Variants in ROCK2 observed in about 807,000 individuals in gnomAD.
ROCK2 encodes rho-associated protein kinase 2.
ROCK2 carries 61 observed loss-of-function variants against 195.1 expected under a neutral mutation model. The ratio of observed to expected loss-of-function variants is 0.31; its 90% CI spans 0.25 to 0.39. The LOEUF is 0.39. Among genes scored for constraint, ROCK2 ranks in the 10% least tolerant of loss-of-function variants. The pLI, the probability that ROCK2 is intolerant of heterozygous loss-of-function variation, is 1.00. For missense variants in ROCK2, 1,109 were observed against 1,637.4 expected, an observed-to-expected ratio of 0.68 and a Z score of 5.57; for synonymous variants, 504 against 545.5, an observed-to-expected ratio of 0.92 and a Z score of 1.06.
intron 3 of ROCK2, among the ~76,000 whole-genome samples, chr2:11,252,139 G>A (rs1665851270): frequency 6.6e-6 from 1 of 152,148 alleles, no homozygotes; most frequent in African/African-American, 2.4e-5. Flanking sequence ...GGCCAGGCAT[G>A]GTGGCTCACG....
At position 11,198,754 on chromosome 2, in the gene ROCK2, T is replaced by C; in HGVS notation, c.2931A>G (p.Thr977=). ...TIASLEETNR[T]LTSDVANLAN... is the part of the protein sequence containing the mutation. ...CAAGATTGGCAACATCACTAGTTAG[T>C]GTCCTATTAGTTTCCTCAAGCTAAG... is the stretch of plus-strand genomic sequence containing the variant. The change falls in exon 24 of 33, where the codon ACA becomes ACG. Residue 977 remains threonine (T), a synonymous_variant. Coordinates refer to ENST00000315872, the MANE Select transcript of ROCK2 (RefSeq NM_004850.5). 6.2e-7 allele frequency: 1 copy of C among 1,603,446 alleles called. No homozygotes were observed. Among genetic ancestry groups the C allele is most frequent in the African/African-American group, 1.3e-5 (1 of 74,564 alleles).
chr2:11,283,578 A>G (rs367895754), intron 3 of ROCK2, among the ~76,000 whole-genome samples: 1 of 25,990 alleles, frequency 3.8e-5, no homozygotes, highest in Admixed American at 6.3e-4. Flanking sequence ...AAAAAAAAAA[A>G]AAAAAAAGCA....
Position 11,219,036 on chromosome 2 carries a change from AG to A in ROCK2, c.1260-11del, listed in dbSNP as rs1664530813. ...AGAGTCACTTAATAATCTACATGGA[AG>A]GGGGGAGAAAATAAATTTTTTCATT... On this transcript the variant is annotated splice_polypyrimidine_tract_variant and intron_variant, in intron 9 of 32. Transcript: ENST00000315872. 4 of 1,401,876 alleles carry A rather than the reference AG, an allele frequency of 2.9e-6. No homozygotes were observed. Among genetic ancestry groups the A allele is most frequent in the South Asian group, 1.4e-5 (1 of 72,140 alleles). 86.8% of individuals were successfully genotyped at this position (1,401,876 alleles called of 1,614,324 possible).
At chr2:11,308,811 A>G in intron 1 of ROCK2, 1 of 1,611,932 alleles carries the variant, frequency 6.2e-7, no homozygotes. Context: ...ATGGAGATGG[A>G]TGAAATTAAA....
chr2:11,205,993 C>A (rs1046922023), intron 20 of ROCK2, among the ~76,000 whole-genome samples: 2 of 152,092 alleles, frequency 1.3e-5, no homozygotes, highest in Admixed American at 6.5e-5. Flanking sequence ...CCTGTATTCC[C>A]AGCTACTTGG....
At chr2:11,207,666 C>A in intron 20 of ROCK2, 60 bp downstream of exon 20, 1 of 1,320,744 alleles carries the variant, frequency 7.6e-7, no homozygotes, top group Non-Finnish European at 1.0e-6. Context: ...ACAGATACAC[C>A]AAAATTAACT....
chr2:11,322,078 G>A (rs1446645384), intron 1 of ROCK2, among the ~76,000 whole-genome samples: 1 of 152,082 alleles, frequency 6.6e-6, no homozygotes, highest in Non-Finnish European at 1.5e-5. Flanking sequence ...GTGAGAAGGT[G>A]ACCATCTGCA....
intron 4 of ROCK2, among the ~76,000 whole-genome samples, chr2:11,239,613 G>C (rs1467822898): frequency 6.6e-6 from 1 of 152,142 alleles, no homozygotes; most frequent in African/African-American, 2.4e-5. Context: ...TGGCCAAAAA[G>C]TGGAAGCAAT....
At chr2:11,317,612 A>ATATATATATATATATATATTT (rs59701503) in intron 1 of ROCK2, among the ~76,000 whole-genome samples, 1 of 19,310 alleles carries the variant, frequency 5.2e-5, no homozygotes, top group African/African-American at 1.6e-4. Flanking sequence ...ATATATATAT[A>ATATATATATATATATATATTT]TTTTTTTTTT....
chr2:11,303,239 G>A (rs1667759659), intron 1 of ROCK2, among the ~76,000 whole-genome samples: 1 of 152,098 alleles, frequency 6.6e-6, no homozygotes, highest in Non-Finnish European at 1.5e-5. Context: ...GTTCTTCAAA[G>A]AAGATGTCAC....
At chr2:11,246,113 C>T (rs1572298108) in intron 4 of ROCK2, among the ~76,000 whole-genome samples, 1 of 152,158 alleles carries the variant, frequency 6.6e-6, no homozygotes, top group East Asian at 1.9e-4. Context: ...GGTAACACAC[C>T]AGATAACCAG....
intron 19 of ROCK2, 81 bp from the exon 20 acceptor site, chr2:11,207,991 G>A: frequency 9.2e-7 from 1 of 1,089,160 alleles, no homozygotes; most frequent in East Asian, 2.8e-5. Context: ...AAAATATGGT[G>A]ATGTAAAACA....
intron 32 of ROCK2, among the ~76,000 whole-genome samples, chr2:11,190,583 A>T (rs1663387509): frequency 6.6e-6 from 1 of 152,126 alleles, no homozygotes. Flanking sequence ...AAAAAAATGT[A>T]TCAAAAGGAT....
chr2:11,277,843 A>G (rs1666879542), intron 3 of ROCK2, among the ~76,000 whole-genome samples: 1 of 152,166 alleles, frequency 6.6e-6, no homozygotes, highest in Admixed American at 6.5e-5. Context: ...AGCAAGCACT[A>G]ATCTTTACTG....
chr2:11,317,592 ATATATATATATATATATATATTT>A (rs1215213512), intron 1 of ROCK2, among the ~76,000 whole-genome samples: 1 of 14,076 alleles, frequency 7.1e-5, no homozygotes, highest in African/African-American at 2.2e-4. Context: ...ATATATATAT[ATATATATATATATATATATATTT>A]TTTTTTTTTT....
Position 11,257,187 on chromosome 2 carries a change from G to A in ROCK2, c.325-7389C>T, listed in dbSNP as rs140343915. Among the ~76,000 whole-genome samples the A allele has an allele frequency of 3.2e-3, 491 of 151,622 alleles. 33 individuals carry two copies. The highest frequency in any genetic ancestry group is 0.011 in the African/African-American group (439 of 40,890). On this transcript the variant is annotated intron_variant, in intron 3 of 32. Transcript: ENST00000315872. ...GTGGTGGAGGAGCAGGGGCTGGTAT[G>A]CGCTGGGCAGCGAGAGCCTCATGGC...
Position 11,218,949 on chromosome 2 carries a change from T to A in ROCK2, c.1320+17A>T. 3 of 1,363,098 alleles carry A rather than the reference T, an allele frequency of 2.2e-6. No homozygotes were observed. The highest frequency in any genetic ancestry group is 2.0e-4 in the Middle Eastern group (1 of 4,932). 84.4% of individuals were successfully genotyped at this position (1,363,098 alleles called of 1,614,324 possible). A position where few individuals can be genotyped will look rare whatever the true frequency, so the allele number is the denominator to read the frequency against. On this transcript the variant is annotated intron_variant, in intron 10 of 32. Coordinates refer to ENST00000315872, the MANE Select transcript of ROCK2 (RefSeq NM_004850.5). ...CATGAAACTAAAATAACTACAGCAG[T>A]AAAAATGTATACGTACTTCATTTTT...
intron 1 of ROCK2, among the ~76,000 whole-genome samples, chr2:11,341,758 T>C: frequency 6.6e-6 from 1 of 152,188 alleles, no homozygotes. Flanking sequence ...TGACCAATAG[T>C]GAAATGCAAC....
At chr2:11,317,613 T>TATATATATATATATATATATATA (rs1553317465) in intron 1 of ROCK2, among the ~76,000 whole-genome samples, 3 of 20,318 alleles carry the variant, frequency 1.5e-4, no homozygotes, top group Admixed American at 7.4e-4. Context: ...TATATATATA[T>TATATATATATATATATATATATA]TTTTTTTTTT....
Sources: gnomAD v4.1 joint callset for allele counts (sites outside exome capture counted in the v4.1 genomes callset) on GRCh38, gnomAD v4.1.1 for gene constraint, MANE v1.5 for transcripts, NCBI Gene and HGNC (gene_info 2026-07-23, HGNC 2026-07-21) for gene names.